Variants in RGS6 observed in about 807,000 individuals in gnomAD.
RGS6 encodes the protein regulator of G-protein signaling 6.
In RGS6, 30 loss-of-function variants were observed where a neutral mutation model predicts 78.5. The ratio of observed to expected loss-of-function variants is 0.38; its 90% CI spans 0.29 to 0.52. The LOEUF is 0.52. RGS6 is among the 20% of genes least tolerant of loss of function. The pLI, the probability that RGS6 is intolerant of heterozygous loss-of-function variation, is 0.85. For synonymous variants in RGS6, 206 were observed against 206.0 expected (o/e 1.00, Z 0.00); for missense variants, 495 against 609.7 (o/e 0.81, Z 1.98).
chr14:72,174,187 G>C (rs539267907), intron 2 of RGS6, among the ~76,000 whole-genome samples: 126 of 152,270 alleles, frequency 8.3e-4, no homozygotes, highest in African/African-American at 2.7e-3. Context: ...AGCTCACTGC[G>C]ACCTCTGCCT....
chr14:72,163,545 T>TA (rs1052511117), intron 2 of RGS6, among the ~76,000 whole-genome samples: 4 of 152,106 alleles, frequency 2.6e-5, no homozygotes, highest in African/African-American at 9.7e-5. Context: ...CCGGAAAACA[T>TA]GGGGGAAAAC....
At chr14:71,881,774 T>C in the RGS6 span, among the ~76,000 whole-genome samples, 3 of 152,174 alleles carry the variant, frequency 2.0e-5, no homozygotes, top group Non-Finnish European at 4.4e-5. Context: ...GCTGACACAA[T>C]GTAGGAGACA....
At chr14:72,031,116 C>T (rs1303363338) in intron 2 of RGS6, among the ~76,000 whole-genome samples, 1 of 151,574 alleles carries the variant, frequency 6.6e-6, no homozygotes, top group East Asian at 1.9e-4. Context: ...CAGTTTTTTT[C>T]AGGAGATCAT....
intron 2 of RGS6, among the ~76,000 whole-genome samples, chr14:72,329,136 A>G (rs8020136): frequency 0.24 from 36,254 of 152,172 alleles, 5,511 homozygotes; most frequent in African/African-American, 0.44. Context: ...AGCCTCCCAA[A>G]GTGCTGGGAT....
intron 16 of RGS6, among the ~76,000 whole-genome samples, chr14:72,538,092 T>C (rs76648730): frequency 6.6e-6 from 1 of 152,246 alleles, no homozygotes; most frequent in African/African-American, 2.4e-5. Context: ...TACTGAGGAG[T>C]TGTTTCCCAA....
intron 3 of RGS6, among the ~76,000 whole-genome samples, chr14:72,432,138 G>T (rs1458299396): frequency 1.3e-5 from 2 of 152,228 alleles, no homozygotes; most frequent in African/African-American, 2.4e-5. Context: ...AGGCTCTGCT[G>T]ATTAGATGTG....
Position 71,998,008 on chromosome 14 carries a change from T to G in RGS6, c.84+33133T>G, listed in dbSNP as rs1401375662. 5.3e-5 allele frequency among the ~76,000 whole-genome samples: 8 copies of G among 152,144 alleles called. No homozygotes were observed. The South Asian group carries it at 1.2e-3, about 24-fold the overall frequency. Reference sequence around the variant, plus strand: ...GAGGATGTGCACCCATGACACAGCCTCAGGAGGGCCTGACGACGTGCTCAA... The same window carrying G: ...GAGGATGTGCACCCATGACACAGCCGCAGGAGGGCCTGACGACGTGCTCAA... On this transcript the variant is annotated intron_variant, in intron 2 of 17. Coordinates refer to ENST00000553525, the MANE Select transcript of RGS6 (RefSeq NM_001204424.2).
chr14:72,012,536 C>T (rs1321043271), intron 2 of RGS6, among the ~76,000 whole-genome samples: 4 of 152,144 alleles, frequency 2.6e-5, no homozygotes, highest in Admixed American at 1.3e-4. Flanking sequence ...GGCTCTTGCA[C>T]CATTTTCCCC....
intron 2 of RGS6, among the ~76,000 whole-genome samples, chr14:71,977,895 G>A (rs2094224827): frequency 6.6e-6 from 1 of 151,988 alleles, no homozygotes; most frequent in Admixed American, 6.6e-5. Flanking sequence ...CTACCCATGA[G>A]CATGGAATGT....
intron 2 of RGS6, among the ~76,000 whole-genome samples, chr14:72,036,077 C>T (rs2091650670): frequency 6.6e-6 from 1 of 152,046 alleles, no homozygotes; most frequent in Non-Finnish European, 1.5e-5. Flanking sequence ...TTACCCATCA[C>T]CAAAGTTTTG....
At chr14:72,408,225 G>A (rs554500404) in intron 3 of RGS6, among the ~76,000 whole-genome samples, 7 of 152,248 alleles carry the variant, frequency 4.6e-5, no homozygotes, top group Non-Finnish European at 7.4e-5. Flanking sequence ...AGATCAACTC[G>A]AGTCTGTTTA....
At chr14:72,320,321 G>T (rs530337625) in intron 2 of RGS6, among the ~76,000 whole-genome samples, 1 of 152,342 alleles carries the variant, frequency 6.6e-6, no homozygotes, top group East Asian at 1.9e-4. Flanking sequence ...GCTAACACCT[G>T]TAATCCCAAC....
chr14:72,035,879 T>C (rs4899419), intron 2 of RGS6, among the ~76,000 whole-genome samples: 19,796 of 152,174 alleles, frequency 0.13, 1,341 homozygotes, highest in East Asian at 0.17. Flanking sequence ...AATAAACATA[T>C]GGTAAAATTG....
chr14:71,953,683 C>T (rs1292551523), intron 1 of RGS6, among the ~76,000 whole-genome samples: 1 of 151,832 alleles, frequency 6.6e-6, no homozygotes, highest in East Asian at 1.9e-4. Context: ...GTCCTATGAA[C>T]ATTATTCAAA....
At chr14:72,351,966 A>G in intron 2 of RGS6, 129 bp from the exon 3 acceptor site, 4 of 669,200 alleles carry the variant, frequency 6.0e-6, no homozygotes, top group South Asian at 6.0e-5. Flanking sequence ...TTATTGACCA[A>G]CTAGATGGGA....
the RGS6 span, chr14:72,619,249 T>C: frequency 6.6e-7 from 1 of 1,521,896 alleles, no homozygotes; most frequent in Non-Finnish European, 8.8e-7. Context: ...TGAACTGGGC[T>C]CTGCTTTAGG....
chr14:72,409,728 A>C (rs1226627652), intron 3 of RGS6, among the ~76,000 whole-genome samples: 1 of 151,712 alleles, frequency 6.6e-6, no homozygotes, highest in Non-Finnish European at 1.5e-5. Flanking sequence ...CCAACCCCAC[A>C]ACAGTCCTCG....
At chr14:71,868,781 C>T in the RGS6 span, among the ~76,000 whole-genome samples, 14 of 152,296 alleles carry the variant, frequency 9.2e-5, no homozygotes, top group East Asian at 9.7e-4. Context: ...CTTGGCCTCT[C>T]GTCCTACTGC....
At chr14:72,116,278 C>G (rs1271994726) in intron 2 of RGS6, among the ~76,000 whole-genome samples, 2 of 152,094 alleles carry the variant, frequency 1.3e-5, no homozygotes, top group Admixed American at 1.3e-4. Flanking sequence ...TTAACCCATG[C>G]TGATGAGCAT....
Sources: allele counts gnomAD v4.1 joint callset (sites outside exome capture counted in the v4.1 genomes callset), GRCh38; gene constraint gnomAD v4.1.1; transcripts MANE v1.5; gene names NCBI Gene and HGNC (gene_info 2026-07-23, HGNC 2026-07-21).